The following DOCK1 variants were observed in gnomAD, a reference collection of about 807,000 sequenced individuals.
The protein encoded by DOCK1 is dedicator of cytokinesis 1, also known as dedicator of cytokinesis protein 1.
In DOCK1, 138 loss-of-function variants were observed where a neutral mutation model predicts 262.7. The ratio of observed to expected loss-of-function variants is 0.53; its 90% confidence interval spans 0.46 to 0.61. DOCK1 has a LOEUF of 0.61. Among genes scored for constraint, DOCK1 ranks in the 20% least tolerant of loss-of-function variants. The pLI is 0.00. For synonymous variants in DOCK1, 866 were observed against 867.4 expected (o/e 1.00, Z 0.03); for missense variants, 1,908 against 2,370.7 (o/e 0.80, Z 4.05).
At chr10:127,196,774 G>T (rs1041426768) in intron 27 of DOCK1, among the ~76,000 whole-genome samples, 16 of 151,992 alleles carry the variant, frequency 1.1e-4, no homozygotes, top group African/African-American at 3.9e-4. Flanking sequence ...GCCGGCTGCC[G>T]CCTGCGCGCG....
At chr10:127,398,008 G>A (rs894356345) in intron 38 of DOCK1, among the ~76,000 whole-genome samples, 12 of 152,132 alleles carry the variant, frequency 7.9e-5, no homozygotes, top group Non-Finnish European at 1.3e-4. Flanking sequence ...AGAGGTTCCC[G>A]TGTGATGGGG....
At position 127,419,766 on chromosome 10, in the gene DOCK1, G is replaced by T; in HGVS notation, c.4776+17G>T. 6.3e-7 allele frequency: 1 copy of T among 1,577,904 alleles called. No homozygotes were observed. On this transcript the variant is annotated intron_variant, in intron 46 of 51. Transcript: ENST00000623213. ...GCTTGGCAGGTAAAGTGTCCAGCAA[G>T]AGTCCTGCATGGCTGGAGGGAAGGA...
At chr10:126,993,207 G>A (rs974944422) in intron 6 of DOCK1, among the ~76,000 whole-genome samples, 7 of 152,250 alleles carry the variant, frequency 4.6e-5, no homozygotes, top group Non-Finnish European at 7.3e-5. Flanking sequence ...GCACAGGGCC[G>A]TCCTCTCGTG....
intron 27 of DOCK1, among the ~76,000 whole-genome samples, chr10:127,197,447 C>G (rs2057252677): frequency 6.6e-6 from 1 of 152,194 alleles, no homozygotes; most frequent in Non-Finnish European, 1.5e-5. Context: ...CCTCTGATGC[C>G]TGTCAGGCCC....
At chr10:127,022,878 T>C (rs1210057619) in intron 13 of DOCK1, among the ~76,000 whole-genome samples, 1 of 152,154 alleles carries the variant, frequency 6.6e-6, no homozygotes, top group East Asian at 1.9e-4. Context: ...TGGGCTGCCA[T>C]GGGTCATGGA....
chr10:127,384,171 C>T (rs944239813), intron 37 of DOCK1, among the ~76,000 whole-genome samples: 1 of 152,234 alleles, frequency 6.6e-6, no homozygotes, highest in Non-Finnish European at 1.5e-5. Context: ...AGTTCAGGAG[C>T]TGACACGTTG....
At chr10:127,037,399 T>C (rs1294066116) in intron 18 of DOCK1, among the ~76,000 whole-genome samples, 2 of 152,252 alleles carry the variant, frequency 1.3e-5, no homozygotes, top group African/African-American at 4.8e-5. Context: ...AGCAGGCCTC[T>C]TCAGGCCTTG....
At chr10:127,043,017 G>A (rs2044122912) in intron 20 of DOCK1, 47 bp from the exon 21 acceptor site, 1 of 1,401,568 alleles carries the variant, frequency 7.1e-7, no homozygotes, top group Non-Finnish European at 9.9e-7. Flanking sequence ...ATTATAAAAT[G>A]GCTTACATTA....
intron 12 of DOCK1, among the ~76,000 whole-genome samples, chr10:127,017,535 GGACACACA>G (rs1355376239): frequency 2.4e-5 from 3 of 127,240 alleles, no homozygotes. Context: ...AGACACACAT[GGACACACA>G]GACACACACA....
At chr10:127,177,024 T>C (rs988111475) in intron 27 of DOCK1, 1 of 151,996 alleles carries the variant, frequency 6.6e-6, no homozygotes, top group Non-Finnish European at 1.5e-5. Context: ...CGTCGAGGGG[T>C]GGTCGCTTCT....
At chr10:127,382,560 A>T (rs2065881499) in intron 37 of DOCK1, among the ~76,000 whole-genome samples, 1 of 152,190 alleles carries the variant, frequency 6.6e-6, no homozygotes. Context: ...GGCTCTCCCA[A>T]GGAGCATAAT....
In DOCK1 at chr10:127,401,939, G is replaced by A. The variant is rs118108125; in HGVS notation, c.3928-1116G>A. On this transcript the variant is annotated intron_variant, in intron 38 of 51. Transcript: ENST00000623213. ...TCAGTGCCAAGGGTAGTCTAGATTC[G>A]CGGCCTAGAAAGCCTGGCCTGTTGG... is the stretch of plus-strand genomic sequence containing the variant. Among the ~76,000 whole-genome samples, 424 of 152,256 alleles carry A rather than the reference G, an allele frequency of 2.8e-3. 4 individuals are homozygous for A. Among genetic ancestry groups the A allele is most frequent in the South Asian group, 8.7e-3 (42 of 4,822 alleles).
intron 13 of DOCK1, 108 bp downstream of exon 13, chr10:127,018,943 A>G: frequency 1.3e-6 from 2 of 1,485,862 alleles, no homozygotes; most frequent in Non-Finnish European, 1.8e-6. Context: ...GAAAGGGCTC[A>G]GCTCCTGGTA....
chr10:127,402,703 C>A (rs1301117354), intron 38 of DOCK1: 1 of 531,122 alleles, frequency 1.9e-6, no homozygotes, highest in Non-Finnish European at 3.7e-6. Flanking sequence ...CCCTACGGTT[C>A]CTTTTCCCTG....
chr10:127,175,524 G>A lies in DOCK1; in HGVS notation c.2847+47760G>A, dbSNP rs1564869991. 6.2e-7 allele frequency: 1 copy of A among 1,609,478 alleles called. No homozygotes were observed. ...CGCCTGGAGCCCGTTGAGATGTGTG[G>A]CTCTCCTCCGCTCGTCATCTGCCGG... is the stretch of plus-strand genomic sequence containing the variant. On this transcript the variant is annotated intron_variant, in intron 27 of 51. Transcript: ENST00000623213. The surrounding 1 kb of genome is among the most constrained non-coding windows in gnomAD (Gnocchi z 6.3).
At chr10:127,430,270 G>A (rs549798147) in intron 47 of DOCK1, among the ~76,000 whole-genome samples, 8 of 152,246 alleles carry the variant, frequency 5.3e-5, no homozygotes, top group South Asian at 2.1e-4. Flanking sequence ...CACAGCTGCC[G>A]GGGGGACCCA....
intron 23 of DOCK1, among the ~76,000 whole-genome samples, chr10:127,082,350 C>T (rs1019097380): frequency 2.0e-5 from 3 of 152,102 alleles, no homozygotes; most frequent in Non-Finnish European, 4.4e-5. Flanking sequence ...TAGACTGGGT[C>T]ATGTATAAAG....
chr10:127,384,794 C>T lies in DOCK1; in HGVS notation c.3812C>T (p.Ser1271Leu), dbSNP rs1055960911. The change falls in exon 38 of 52, where the codon TCG (serine) becomes TTG (leucine). Residue 1271 changes from serine (S) to leucine (L), a missense_variant. By Grantham distance (145) the Ser-to-Leu change is moderately radical (BLOSUM62 -2). Transcript: ENST00000623213. Reference protein sequence around the residue: ...LLLHAKLLKWSEDVCVAHLTQ... With the variant: ...LLLHAKLLKWLEDVCVAHLTQ... ...CATGCTATGCTTCTCCCTTAGTGGT[C>T]GGAGGATGTGTGTGTGGCCCACCTC... is the stretch of plus-strand genomic sequence containing the variant. 3 of 1,578,632 alleles carry T rather than the reference C, an allele frequency of 1.9e-6. No individual in the cohort carries two copies. The highest frequency in any genetic ancestry group is 1.4e-5 in the African/African-American group (1 of 73,230).
chr10:127,122,745 T>G (rs1322014505), intron 25 of DOCK1, among the ~76,000 whole-genome samples: 2 of 151,970 alleles, frequency 1.3e-5, no homozygotes, highest in East Asian at 3.9e-4. Context: ...AGAGGCTGGA[T>G]AGCAAACAGG....
Sources: gnomAD v4.1 joint callset for allele counts (sites outside exome capture counted in the v4.1 genomes callset) on GRCh38, gnomAD v4.1.1 for gene constraint, Gnocchi (gnomAD v3.1) non-coding constraint, MANE v1.5 for transcripts, NCBI Gene and HGNC (gene_info 2026-07-23, HGNC 2026-07-21) for gene names.